Variants in OR51B6 observed in about 807,000 individuals in gnomAD.
OR51B6 encodes olfactory receptor 51B6.
For missense variants in OR51B6, 502 were observed against 382.2 expected (o/e 1.31, Z -2.61); for synonymous variants, 154 against 137.3 (o/e 1.12, Z -0.85).
rs1200372322 is a variant in OR51B6, at chr11:5,352,164, T to A, written c.657T>A (p.Ile219=). The A allele has an allele frequency of 1.9e-6, 3 of 1,614,060 alleles. No individual in the cohort carries two copies. Among genetic ancestry groups the A allele is most frequent in the Non-Finnish European group, 2.5e-6 (3 of 1,180,040 alleles). ...TCATCTTTTTCTCCTACATTTTGAT[T>A]CTCAAGACTGTCATGGGCATTGGTT... is the stretch of plus-strand genomic sequence containing the variant. ...FLIIFFSYIL[I]LKTVMGIGSG... The change falls in exon 1 of 1, where the codon ATT becomes ATA. Residue 219 remains isoleucine (I), a synonymous_variant. Coordinates refer to ENST00000380219, the MANE Select transcript of OR51B6 (RefSeq NM_001004750.1).
In OR51B6 at chr11:5,351,987, C is replaced by T. The variant is rs753557022; in HGVS notation, c.480C>T (p.Arg160=). The T allele has an allele frequency of 6.8e-6, 11 of 1,613,332 alleles. No individual in the cohort carries two copies. In the South Asian group the frequency reaches 1.2e-4, roughly 18 times the overall value. ...TGTCCATTATGCCAATAGTTGTTCG[C>T]CTACACTGGTTTCCCTACTGTCGAT... ...AGLSIMPIVV[R]LHWFPYCRSH... The change falls in exon 1 of 1, where the codon CGC becomes CGT. Residue 160 remains arginine, a synonymous_variant. Transcript: ENST00000380219.
rs751325765 is a variant in OR51B6, at chr11:5,352,181, G to C, written c.674G>C (p.Gly225Ala). Residue 225 changes from glycine (G) to alanine (A), a missense_variant, in exon 1 of 1, where the codon GGC (glycine) becomes GCC (alanine). Gly to Ala is a moderately conservative substitution (Grantham distance 60, BLOSUM62 0). Coordinates refer to ENST00000380219, the MANE Select transcript of OR51B6 (RefSeq NM_001004750.1). ...SYILILKTVM[G>A]IGSGGERAKA... is the part of the protein sequence containing the mutation. ...ATTTTGATTCTCAAGACTGTCATGG[G>C]CATTGGTTCTGGAGGAGAAAGGGCC... 4.3e-6 allele frequency: 7 copies of C among 1,614,108 alleles called. No homozygotes were observed. Among genetic ancestry groups the C allele is most frequent in the Non-Finnish European group, 5.9e-6 (7 of 1,180,022 alleles).
chr11:5,351,949 A>T lies in OR51B6; in HGVS notation c.442A>T (p.Thr148Ser), dbSNP rs1849097761. 3.1e-6 allele frequency: 5 copies of T among 1,613,036 alleles called. No homozygotes were observed. Among genetic ancestry groups the T allele is most frequent in the Non-Finnish European group, 4.2e-6 (5 of 1,179,050 alleles). The change falls in exon 1 of 1, where the codon ACA (threonine) becomes TCA (serine). Residue 148 changes from threonine to serine, a missense_variant. Transcript: ENST00000380219. ...QVMKIGVRVL[T>S]RAGLSIMPIV... is the part of the protein sequence containing the mutation. ...AATGAAGATTGGTGTGCGGGTATTG[A>T]CAAGGGCTGGTCTGTCCATTATGCC...
Position 5,351,722 on chromosome 11 carries a change from C to T in OR51B6, c.215C>T (p.Thr72Ile), listed in dbSNP as rs759932737. 1 of 1,613,850 alleles carries T rather than the reference C, an allele frequency of 6.2e-7. No homozygotes were observed. The highest frequency in any genetic ancestry group is 2.2e-5 in the East Asian group (1 of 44,892). Residue 72 changes from threonine to isoleucine, a missense_variant, in exon 1 of 1, where the codon ACA becomes ATA. By Grantham distance (89) the Thr-to-Ile change is moderately conservative. Coordinates refer to ENST00000380219, the MANE Select transcript of OR51B6 (RefSeq NM_001004750.1). ...AMLAATDLGV[T>I]LTTMPTVLGV... ...TTGGCAGCTACAGACCTCGGAGTGA[C>T]ATTGACCACAATGCCCACAGTGCTA...
rs1279636725 is a variant in OR51B6 at position 5,351,534 on chromosome 11, C to G, written c.27C>G (p.Thr9=). The change falls in exon 1 of 1, where the codon ACC becomes ACG. Residue 9 remains threonine (T), a synonymous_variant. Coordinates refer to ENST00000380219, the MANE Select transcript of OR51B6 (RefSeq NM_001004750.1). MGLNKSAS[T]FQLTGFPGME... is the part of the protein sequence containing the mutation. ...TGGGGCTCAATAAGTCTGCTTCCAC[C>G]TTCCAGCTTACTGGCTTCCCAGGCA... The G allele has an allele frequency of 1.9e-6, 3 of 1,613,064 alleles. No individual in the cohort carries two copies. In the African/African-American group the frequency reaches 4.0e-5, roughly 22 times the overall value.
At position 5,351,866 on chromosome 11, in the gene OR51B6, G is replaced by T; in HGVS notation, c.359G>T (p.Cys120Phe). The change falls in exon 1 of 1, where the codon TGT (cysteine) becomes TTT (phenylalanine). Residue 120 changes from cysteine to phenylalanine, a missense_variant. By Grantham distance (205) the Cys-to-Phe change is radical. Transcript: ENST00000380219. ...SGVLLAMAYD[C>F]FITIRSPLRY... ...GTCTTGCTTGCCATGGCTTATGACTGTTTCATTACCATCCGCAGCCCCTTA... is the reference window on the plus strand; with the variant it reads ...GTCTTGCTTGCCATGGCTTATGACTTTTTCATTACCATCCGCAGCCCCTTA... 6.2e-7 allele frequency: 1 copy of T among 1,613,366 alleles called. No homozygotes were observed. The highest frequency in any genetic ancestry group is 1.1e-5 in the South Asian group (1 of 91,058).
chr11:5,352,303 G>A lies in OR51B6; in HGVS notation c.796G>A (p.Val266Ile). 1 of 1,614,164 alleles carries A rather than the reference G, an allele frequency of 6.2e-7. No individual in the cohort carries two copies. Residue 266 changes from valine to isoleucine, a missense_variant, in exon 1 of 1, where the codon GTT (valine) becomes ATT (isoleucine). Transcript: ENST00000380219. ...ATTTATTCATAGGTTTGGAAAGCAT[G>A]TTCCTCATGTCGTTCACATCACAAT... ...LTFIHRFGKH[V>I]PHVVHITMSY...
chr11:5,352,435 T>A lies in OR51B6; in HGVS notation c.928T>A (p.Ser310Thr). The A allele has an allele frequency of 6.3e-7, 1 of 1,585,172 alleles. No individual in the cohort carries two copies. The highest frequency in any genetic ancestry group is 8.6e-7 in the Non-Finnish European group (1 of 1,162,116). Residue 310 changes from serine (S) to threonine (T), a missense_variant, in exon 1 of 1, where the codon TCT (serine) becomes ACT (threonine). Physicochemically the swap from Ser to Thr is moderately conservative, Grantham distance 58 (BLOSUM62 1). Coordinates refer to ENST00000380219, the MANE Select transcript of OR51B6 (RefSeq NM_001004750.1). ...ACTTCGTTTATTCTCTCTGCCTCAC[T>A]CTAGAGCATGACATTGTTTCACTGG... ...GILRLFSLPH[S>T]RA
Position 5,352,069 on chromosome 11 carries a change from G to A in OR51B6, c.562G>A (p.Ala188Thr). The change falls in exon 1 of 1, where the codon GCT (alanine) becomes ACT (threonine). Residue 188 changes from alanine to threonine, a missense_variant. By Grantham distance (58) the Ala-to-Thr change is moderately conservative. Transcript: ENST00000380219. ...LHQDVIKLAC[A>T]DITFNRLYPV... is the part of the protein sequence containing the mutation. ...CCAAGATGTCATCAAGCTAGCCTGTGCTGACATCACCTTCAACCGTCTCTA... is the reference window on the plus strand; with the variant it reads ...CCAAGATGTCATCAAGCTAGCCTGTACTGACATCACCTTCAACCGTCTCTA... 1.2e-6 allele frequency: 2 copies of A among 1,614,032 alleles called. No homozygotes were observed. The highest frequency in any genetic ancestry group is 1.7e-6 in the Non-Finnish European group (2 of 1,179,948).
rs5006883 is a variant in OR51B6, at chr11:5,352,081, T to C, written c.574T>C (p.Phe192Leu). Residue 192 changes from phenylalanine to leucine, a missense_variant, in exon 1 of 1, where the codon TTC (phenylalanine) becomes CTC (leucine). Transcript: ENST00000380219. The part of the protein sequence containing the change: ...VIKLACADIT[F>L]NRLYPVVVLF... ...CAAGCTAGCCTGTGCTGACATCACC[T>C]TCAACCGTCTCTATCCAGTTGTAGT... The C allele has an allele frequency of 0.26, 413,458 of 1,612,566 alleles. 54,851 individuals are homozygous for C. Among genetic ancestry groups the C allele is most frequent in the African/African-American group, 0.31 (23,238 of 74,932 alleles).
chr11:5,352,092 C>T lies in OR51B6; in HGVS notation c.585C>T (p.Leu195=), dbSNP rs748417226. ...LACADITFNR[L]YPVVVLFAMV... is the part of the protein sequence containing the mutation. ...GTGCTGACATCACCTTCAACCGTCT[C>T]TATCCAGTTGTAGTTTTATTTGCAA... Residue 195 remains leucine (L), a synonymous_variant, in exon 1 of 1, where the codon CTC becomes CTT. Transcript: ENST00000380219. 3 of 1,614,158 alleles carry T rather than the reference C, an allele frequency of 1.9e-6. No homozygotes were observed. The highest frequency in any genetic ancestry group is 8.5e-7 in the Non-Finnish European group (1 of 1,179,982).
At position 5,351,666 on chromosome 11, in the gene OR51B6, C is replaced by T. The variant is rs1460060596; in HGVS notation, c.159C>T (p.Leu53=). Residue 53 remains leucine, a synonymous_variant, in exon 1 of 1, where the codon CTC becomes CTT. Coordinates refer to ENST00000380219, the MANE Select transcript of OR51B6 (RefSeq NM_001004750.1). ...TTCTCATCAGGAATGATCATAACCT[C>T]CATGAGCCCATGTACTATTTCTTAG... is the stretch of plus-strand genomic sequence containing the variant. ...LLFLIRNDHN[L]HEPMYYFLAM... The T allele has an allele frequency of 6.2e-7, 1 of 1,614,142 alleles. No homozygotes were observed. The highest frequency in any genetic ancestry group is 1.1e-5 in the South Asian group (1 of 91,080).
rs1456886518 is a variant in OR51B6, at chr11:5,352,174, G to T, written c.667G>T (p.Val223Phe). 1 of 1,614,170 alleles carries T rather than the reference G, an allele frequency of 6.2e-7. No homozygotes were observed. The highest frequency in any genetic ancestry group is 2.2e-5 in the East Asian group (1 of 44,884). ...CTCCTACATTTTGATTCTCAAGACT[G>T]TCATGGGCATTGGTTCTGGAGGAGA... ...FFSYILILKT[V>F]MGIGSGGERA... Residue 223 changes from valine (V) to phenylalanine (F), a missense_variant, in exon 1 of 1, where the codon GTC becomes TTC. Coordinates refer to ENST00000380219, the MANE Select transcript of OR51B6 (RefSeq NM_001004750.1).
In OR51B6 at chr11:5,352,181, G is replaced by A; in HGVS notation, c.674G>A (p.Gly225Asp). The change falls in exon 1 of 1, where the codon GGC becomes GAC. Residue 225 changes from glycine to aspartate, a missense_variant. Transcript: ENST00000380219. Reference sequence around the variant, plus strand: ...ATTTTGATTCTCAAGACTGTCATGGGCATTGGTTCTGGAGGAGAAAGGGCC... The same window carrying A: ...ATTTTGATTCTCAAGACTGTCATGGACATTGGTTCTGGAGGAGAAAGGGCC... ...SYILILKTVM[G>D]IGSGGERAKA... 6.2e-7 allele frequency: 1 copy of A among 1,614,108 alleles called. No homozygotes were observed. Among genetic ancestry groups the A allele is most frequent in the Non-Finnish European group, 8.5e-7 (1 of 1,180,022 alleles).
At position 5,352,382 on chromosome 11, in the gene OR51B6, T is replaced by A. The variant is rs1849110784; in HGVS notation, c.875T>A (p.Ile292Asn). The A allele has an allele frequency of 6.2e-7, 1 of 1,613,410 alleles. No homozygotes were observed. The highest frequency in any genetic ancestry group is 8.5e-7 in the Non-Finnish European group (1 of 1,179,726). ...PPFMNPFIYS[I>N]KTKQIQSGIL... ...TTTATGAACCCATTTATCTATAGCA[T>A]TAAAACTAAGCAGATTCAGAGTGGC... is the stretch of plus-strand genomic sequence containing the variant. The change falls in exon 1 of 1, where the codon ATT becomes AAT. Residue 292 changes from isoleucine (I) to asparagine (N), a missense_variant. Ile to Asn is a moderately radical substitution (Grantham distance 149). Coordinates refer to ENST00000380219, the MANE Select transcript of OR51B6 (RefSeq NM_001004750.1).
Position 5,351,637 on chromosome 11 carries a change from C to T in OR51B6, c.130C>T (p.Leu44Phe), listed in dbSNP as rs867168159. The change falls in exon 1 of 1, where the codon CTC (leucine) becomes TTC (phenylalanine). Residue 44 changes from leucine to phenylalanine, a missense_variant. By Grantham distance (22) the Leu-to-Phe change is conservative. Transcript: ENST00000380219. The part of the protein sequence containing the change: ...ISILLGNGTL[L>F]FLIRNDHNLH... The stretch of plus-strand genomic sequence containing the variant: ...CATACTTCTTGGCAATGGCACTCTT[C>T]TCTTTCTCATCAGGAATGATCATAA... 1 of 1,614,108 alleles carries T rather than the reference C, an allele frequency of 6.2e-7. No homozygotes were observed. Among genetic ancestry groups the T allele is most frequent in the Middle Eastern group, 1.7e-4 (1 of 6,060 alleles).
rs533820219 is a variant in OR51B6 at position 5,351,846 on chromosome 11, G to C, written c.339G>C (p.Leu113Phe). ...TTTCTGTCATGGAGTCAGGTGTCTT[G>C]CTTGCCATGGCTTATGACTGTTTCA... ...HTLSVMESGV[L>F]LAMAYDCFIT... Residue 113 changes from leucine to phenylalanine, a missense_variant, in exon 1 of 1, where the codon TTG becomes TTC. By Grantham distance (22) the Leu-to-Phe change is conservative (BLOSUM62 0). Transcript: ENST00000380219. 15 of 1,613,860 alleles carry C rather than the reference G, an allele frequency of 9.3e-6. No homozygotes were observed. The South Asian group carries it at 1.3e-4, about 14-fold the overall frequency.
In OR51B6 at chr11:5,352,256, A is replaced by T. The variant is rs780471818; in HGVS notation, c.749A>T (p.Tyr250Phe). 10 of 1,614,182 alleles carry T rather than the reference A, an allele frequency of 6.2e-6. No homozygotes were observed. Among genetic ancestry groups the T allele is most frequent in the Non-Finnish European group, 8.5e-6 (10 of 1,180,020 alleles). Residue 250 changes from tyrosine to phenylalanine, a missense_variant, in exon 1 of 1, where the codon TAT becomes TTT. Coordinates refer to ENST00000380219, the MANE Select transcript of OR51B6 (RefSeq NM_001004750.1). ...CATATCTGCTGCATCCTGGTCTTCT[A>T]TGTCACTGTAGTTTGTCTGACATTT... Reference protein sequence around the residue: ...VSHICCILVFYVTVVCLTFIH... With the variant: ...VSHICCILVFFVTVVCLTFIH...
Position 5,352,439 on chromosome 11 carries a change from G to C in OR51B6, c.932G>C (p.Arg311Thr), listed in dbSNP as rs753316687. Residue 311 changes from arginine to threonine, a missense_variant, in exon 1 of 1, where the codon AGA (arginine) becomes ACA (threonine). Arg to Thr is a moderately conservative substitution (Grantham distance 71, BLOSUM62 -1). Coordinates refer to ENST00000380219, the MANE Select transcript of OR51B6 (RefSeq NM_001004750.1). ...ILRLFSLPHS[R>T]A Reference sequence around the variant, plus strand: ...CGTTTATTCTCTCTGCCTCACTCTAGAGCATGACATTGTTTCACTGGTCTC... The same window carrying C: ...CGTTTATTCTCTCTGCCTCACTCTACAGCATGACATTGTTTCACTGGTCTC... 12 of 1,579,240 alleles carry C rather than the reference G, an allele frequency of 7.6e-6. No homozygotes were observed. The Admixed American group carries it at 1.2e-4, about 16-fold the overall frequency.
Sources: allele counts gnomAD v4.1 joint callset, GRCh38; gene constraint gnomAD v4.1.1; transcripts MANE v1.5; gene names NCBI Gene and HGNC (gene_info 2026-07-23, HGNC 2026-07-21).